Variants in GPC1 observed in about 807,000 individuals in gnomAD.
The protein encoded by GPC1 is glypican-1.
In GPC1, 26 loss-of-function variants were observed where a neutral mutation model predicts 51.5. The ratio of observed to expected loss-of-function variants is 0.50; its 90% confidence interval spans 0.37 to 0.70. The LOEUF is 0.70. GPC1 is among the 30% of genes least tolerant of loss of function. GPC1 has a pLI of 0.00. For missense variants in GPC1, 775 were observed against 800.5 expected (o/e 0.97, Z 0.38); for synonymous variants, 380 against 348.3 (o/e 1.09, Z -1.01).
At chr2:240,463,570 G>T in intron 4 of GPC1, 58 bp downstream of exon 4, 1 of 1,483,064 alleles carries the variant, frequency 6.7e-7, no homozygotes, top group Non-Finnish European at 9.3e-7. Flanking sequence ...ACGACTGGGG[G>T]TCCTGGGGGG....
chr2:240,465,330 C>A, intron 7 of GPC1, 120 bp downstream of exon 7: 1 of 1,351,120 alleles, frequency 7.4e-7, no homozygotes, highest in Non-Finnish European at 1.0e-6. Context: ...AGCCCCACTT[C>A]TCTGCGGCCT....
intron 1 of GPC1, chr2:240,458,431 C>T: frequency 4.8e-6 from 1 of 208,500 alleles, no homozygotes; most frequent in Middle Eastern, 2.1e-3. Flanking sequence ...CCCTGCAGGG[C>T]TTGGGGCATG....
chr2:240,452,549 C>CGGGACCA (rs2074108674), intron 1 of GPC1: 1 of 152,186 alleles, frequency 6.6e-6, no homozygotes, highest in Admixed American at 6.5e-5. Context: ...TGCACCAAGG[C>CGGGACCA]CTGGGCCCGC....
At chr2:240,453,007 C>T (rs984194233) in intron 1 of GPC1, 2 of 353,880 alleles carry the variant, frequency 5.7e-6, no homozygotes, top group African/African-American at 2.3e-5. Flanking sequence ...GCCGCTGGAG[C>T]CGCCGCTGCG....
intron 6 of GPC1, 41 bp from the exon 7 acceptor site, chr2:240,465,036 G>A: frequency 6.3e-7 from 1 of 1,579,154 alleles, no homozygotes; most frequent in Non-Finnish European, 8.6e-7. Flanking sequence ...GCAGAGGCGG[G>A]CGGGCCCTGG....
At position 240,464,963 on chromosome 2, in the gene GPC1, G is replaced by T. The variant is rs752757124; in HGVS notation, c.1122G>T (p.Thr374=). ...LAPRERPPSG[T]LEKLVSEAKA... The stretch of plus-strand genomic sequence containing the variant: ...CGCGGGAGAGGCCACCTTCAGGCAC[G>T]CTGGAGAAGCTGGTGAGTGGCCCCT... Residue 374 remains threonine (T), a synonymous_variant, in exon 6 of 9, where the codon ACG becomes ACT. Transcript: ENST00000264039. 5 of 1,553,492 alleles carry T rather than the reference G, an allele frequency of 3.2e-6. No individual in the cohort carries two copies. Among genetic ancestry groups the T allele is most frequent in the South Asian group, 1.2e-5 (1 of 84,356 alleles).
chr2:240,450,920 T>C, intron 1 of GPC1: 1 of 405,128 alleles, frequency 2.5e-6, no homozygotes, highest in South Asian at 1.9e-5. Context: ...CTGGGGAGGC[T>C]TCCTGAGGGA....
intron 1 of GPC1, among the ~76,000 whole-genome samples, chr2:240,447,904 G>A (rs2074062603): frequency 6.6e-6 from 1 of 152,188 alleles, no homozygotes; most frequent in South Asian, 2.1e-4. Flanking sequence ...CATTGTCACC[G>A]GCGCAGCTGC....
intron 1 of GPC1, among the ~76,000 whole-genome samples, chr2:240,440,454 G>A (rs2074010797): frequency 6.6e-6 from 1 of 152,218 alleles, no homozygotes. Flanking sequence ...CTTCTTGGAA[G>A]GCTCGTGCTT....
At chr2:240,465,381 C>T (rs1033452858) in intron 7 of GPC1, 92 bp from the exon 8 acceptor site, 2 of 1,397,172 alleles carry the variant, frequency 1.4e-6, no homozygotes, top group Non-Finnish European at 2.0e-6. Flanking sequence ...CTGGGCATCT[C>T]AGGCTCAGAG....
Position 240,461,201 on chromosome 2 carries a change from G to A in GPC1, c.326-990G>A, listed in dbSNP as rs547154295. On this transcript the variant is annotated intron_variant, in intron 2 of 8. Coordinates refer to ENST00000264039, the MANE Select transcript of GPC1 (RefSeq NM_002081.3). Reference sequence around the variant, plus strand: ...GTGGCCCGTCCACCCTCCCCACAGCGGCCTGGGAGCTCTCTGTAGCCCTGC... The same window carrying A: ...GTGGCCCGTCCACCCTCCCCACAGCAGCCTGGGAGCTCTCTGTAGCCCTGC... Among the ~76,000 whole-genome samples the A allele has an allele frequency of 2.0e-3, 309 of 152,322 alleles. 1 individual carries two copies. Among genetic ancestry groups the A allele is most frequent in the African/African-American group, 6.8e-3 (282 of 41,576 alleles).
chr2:240,436,196 C>T (rs944471264), intron 1 of GPC1, 112 bp downstream of exon 1: 10 of 703,032 alleles, frequency 1.4e-5, no homozygotes, highest in African/African-American at 1.8e-5. Context: ...CCGCCTGCGC[C>T]CCGCCGCCCG....
At chr2:240,447,001 C>T (rs2074054794) in intron 1 of GPC1, among the ~76,000 whole-genome samples, 1 of 152,132 alleles carries the variant, frequency 6.6e-6, no homozygotes, top group Admixed American at 6.5e-5. Flanking sequence ...CCATCCACAG[C>T]CGTGTTGGGA....
chr2:240,462,684 T>A, intron 3 of GPC1, 102 bp downstream of exon 3: 1 of 1,111,958 alleles, frequency 9.0e-7, no homozygotes, highest in Non-Finnish European at 1.3e-6. Context: ...CCCCTGGGCC[T>A]CTGGGCCAGC....
At chr2:240,439,615 C>T (rs1346948093) in intron 1 of GPC1, among the ~76,000 whole-genome samples, 2 of 152,202 alleles carry the variant, frequency 1.3e-5, no homozygotes, top group African/African-American at 2.4e-5. Flanking sequence ...TCTGGGGAAC[C>T]ATCCTCAGAG....
rs762522019 is a variant in GPC1 at position 240,466,121 on chromosome 2, TCAG to T, written c.1512_1514del (p.Ser504del). The stretch of plus-strand genomic sequence containing the variant: ...CTGGATGACCTCTGCAGCCGGAAGG[TCAG>T]CAGGAAGAGCTCCAGCTCCCGGACG... On this transcript the variant is annotated inframe_deletion, in exon 9 of 9. Coordinates refer to ENST00000264039, the MANE Select transcript of GPC1 (RefSeq NM_002081.3). The T allele has an allele frequency of 6.2e-7, 1 of 1,612,736 alleles. No homozygotes were observed. The highest frequency in any genetic ancestry group is 8.5e-7 in the Non-Finnish European group (1 of 1,179,802).
In GPC1 at chr2:240,449,730, CT is replaced by C. The variant is rs140775481; in HGVS notation, c.167-9299del. 1,001 of 428,428 alleles carry C rather than the reference CT, an allele frequency of 2.3e-3. 7 individuals are homozygous for C. Among genetic ancestry groups the C allele is most frequent in the African/African-American group, 0.017 (828 of 49,434 alleles). The allele number at this position is 428,428 out of a possible 1,614,324, so 26.5% of individuals were successfully genotyped here. ...TCCCCATTTCCCCTCTCCACCGCCC[CT>C]GGTGCCCGCCATCCTTTCAGTCTCT... On this transcript the variant is annotated intron_variant, in intron 1 of 8. Coordinates refer to ENST00000264039, the MANE Select transcript of GPC1 (RefSeq NM_002081.3).
At position 240,466,301 on chromosome 2, in the gene GPC1, G is replaced by A. The variant is rs1559204705; in HGVS notation, c.*11G>A. On this transcript the variant is annotated 3_prime_UTR_variant, in exon 9 of 9. Transcript: ENST00000264039. ...CCCCGGTGGCGGTAACTGCCCCAAG[G>A]CCCCAGGGACAGAGGCCAAGGACTG... 7.0e-7 allele frequency: 1 copy of A among 1,437,706 alleles called. No homozygotes were observed. Among genetic ancestry groups the A allele is most frequent in the South Asian group, 1.1e-5 (1 of 87,612 alleles). The allele number at this position is 1,437,706 out of a possible 1,614,324, so 89.1% of individuals were successfully genotyped here. A position where few individuals can be genotyped will look rare whatever the true frequency, so the allele number is the denominator to read the frequency against.
At chr2:240,456,209 G>T (rs867197835) in intron 1 of GPC1, 139 of 243,832 alleles carry the variant, frequency 5.7e-4, no homozygotes, top group Middle Eastern at 1.5e-3. Flanking sequence ...GGTGGCTGAC[G>T]GCGCCGAGGA....
Sources: gnomAD v4.1 joint callset for allele counts (sites outside exome capture counted in the v4.1 genomes callset) on GRCh38, gnomAD v4.1.1 for gene constraint, MANE v1.5 for transcripts, NCBI Gene and HGNC (gene_info 2026-07-23, HGNC 2026-07-21) for gene names.